DNAH14: variants seen among roughly 807,000 people sequenced by gnomAD.
DNAH14 encodes the protein dynein axonemal heavy chain 14.
A neutral mutation model predicts 520.9 loss-of-function variants in DNAH14; 478 were observed. That is an observed-to-expected ratio of 0.92 (90% CI 0.85 to 0.99). The LOEUF is 0.99. Among genes scored for constraint, DNAH14 ranks in the 50% least tolerant of loss-of-function variants. DNAH14 has a pLI of 0.00. For synonymous variants in DNAH14, 1,581 were observed against 1,757.2 expected, an observed-to-expected ratio of 0.90 and a Z score of 2.51; for missense variants, 4,831 against 5,234.5, an observed-to-expected ratio of 0.92 and a Z score of 2.38.
chr1:225,056,103 A>G (rs2148354503), intron 17 of DNAH14, among the ~76,000 whole-genome samples: 1 of 152,036 alleles, frequency 6.6e-6, no homozygotes, highest in South Asian at 2.1e-4. Flanking sequence ...TCCCTGAGGA[A>G]TCACCACACT....
At chr1:225,010,326 G>C (rs984237127) in intron 10 of DNAH14, among the ~76,000 whole-genome samples, 1 of 152,092 alleles carries the variant, frequency 6.6e-6, no homozygotes, top group Non-Finnish European at 1.5e-5. Flanking sequence ...TTTTATCAAA[G>C]GCCTTTTCTG....
chr1:225,206,928 A>G, intron 40 of DNAH14, 40 bp from the exon 41 acceptor site: 1 of 1,391,170 alleles, frequency 7.2e-7, no homozygotes, highest in East Asian at 2.7e-5. Flanking sequence ...CCATATTTTT[A>G]TTTATTTACA....
At chr1:225,014,724 A>G (rs2456349) in intron 10 of DNAH14, among the ~76,000 whole-genome samples, 112,322 of 152,084 alleles carry the variant, frequency 0.74, 44,361 homozygotes, top group Non-Finnish European at 0.88. Context: ...AATATGGTCA[A>G]TCATGGAGAA....
chr1:225,238,877 C>T (rs998309494), intron 42 of DNAH14, among the ~76,000 whole-genome samples: 1 of 152,204 alleles, frequency 6.6e-6, no homozygotes, highest in African/African-American at 2.4e-5. Context: ...GGGGGTCCCT[C>T]TTAAAGAAGC....
At chr1:224,960,076 T>G in intron 3 of DNAH14, 77 bp from the exon 4 acceptor site, 1 of 1,359,972 alleles carries the variant, frequency 7.4e-7, no homozygotes, top group Non-Finnish European at 9.8e-7. Context: ...TTAACTGTAT[T>G]GCTGGGTATG....
Position 225,232,531 on chromosome 1 carries a change from G to A in DNAH14, c.6518+1380G>A, listed in dbSNP as rs2091229473. ...TCTTGGTACAGCCTAAAAATGTCCT[G>A]CCTACCTTTCCAGATTCATCTCCTA... On this transcript the variant is annotated intron_variant, in intron 42 of 85. Coordinates refer to ENST00000682510, the MANE Select transcript of DNAH14 (RefSeq NM_001367479.1). This position sits in a 1 kb window ranked among gnomAD's most constrained non-coding sequence, Gnocchi z 4.2. 1.3e-5 allele frequency among the ~76,000 whole-genome samples: 2 copies of A among 152,036 alleles called. No individual in the cohort carries two copies. The highest frequency in any genetic ancestry group is 4.1e-4 in the South Asian group (2 of 4,822).
intron 23 of DNAH14, among the ~76,000 whole-genome samples, chr1:225,108,982 C>T (rs1313209640): frequency 6.6e-6 from 1 of 152,044 alleles, no homozygotes; most frequent in Non-Finnish European, 1.5e-5. Context: ...GCCCTTTTTC[C>T]AATGTATGTT....
intron 60 of DNAH14, among the ~76,000 whole-genome samples, chr1:225,315,838 C>A (rs1193754233): frequency 6.6e-6 from 1 of 152,182 alleles, no homozygotes; most frequent in Non-Finnish European, 1.5e-5. Context: ...CTGCCAGATG[C>A]CAGCTGGAGC....
At chr1:225,165,915 T>G (rs1274344678) in intron 35 of DNAH14, among the ~76,000 whole-genome samples, 1 of 152,056 alleles carries the variant, frequency 6.6e-6, no homozygotes, top group African/African-American at 2.4e-5. Context: ...GAAAATGCGA[T>G]TTGATGTTTT....
At chr1:225,341,717 CTTCT>C (rs1266249699) in intron 69 of DNAH14, among the ~76,000 whole-genome samples, 1 of 152,186 alleles carries the variant, frequency 6.6e-6, no homozygotes, top group African/African-American at 2.4e-5. Flanking sequence ...AAATTATTTT[CTTCT>C]TCAGCACAAA....
At chr1:224,983,544 C>G (rs58402068) in intron 8 of DNAH14, among the ~76,000 whole-genome samples, 7 of 152,238 alleles carry the variant, frequency 4.6e-5, no homozygotes, top group African/African-American at 1.4e-4. Flanking sequence ...GAAGTCTTAG[C>G]CAGAGCAGTC....
intron 38 of DNAH14, among the ~76,000 whole-genome samples, chr1:225,202,355 G>A (rs1027428098): frequency 1.2e-4 from 18 of 152,150 alleles, no homozygotes; most frequent in African/African-American, 2.7e-4. Flanking sequence ...CTCCTTGGGC[G>A]GGTCTTGCTG....
intron 68 of DNAH14, among the ~76,000 whole-genome samples, chr1:225,339,289 C>A (rs987701232): frequency 1.3e-5 from 2 of 151,990 alleles, no homozygotes; most frequent in Non-Finnish European, 2.9e-5. Context: ...CCAGCCTGGG[C>A]GACAAGAGTG....
chr1:224,950,878 A>G (rs975031693), intron 1 of DNAH14, among the ~76,000 whole-genome samples: 8 of 152,234 alleles, frequency 5.3e-5, no homozygotes, highest in African/African-American at 1.7e-4. Flanking sequence ...ATTACAAAAA[A>G]AAAATACTTA....
intron 42 of DNAH14, among the ~76,000 whole-genome samples, chr1:225,233,100 T>A (rs2091272480): frequency 6.6e-6 from 1 of 152,160 alleles, no homozygotes; most frequent in South Asian, 2.1e-4. Flanking sequence ...GGATAAGGGC[T>A]TCCAGCTCCA....
intron 40 of DNAH14, among the ~76,000 whole-genome samples, chr1:225,206,743 C>T (rs1028082012): frequency 1.3e-5 from 2 of 152,150 alleles, no homozygotes; most frequent in Non-Finnish European, 2.9e-5. Context: ...CCTTCCTACA[C>T]ATAATACCCC....
intron 75 of DNAH14, among the ~76,000 whole-genome samples, chr1:225,362,378 C>T (rs938428106): frequency 1.3e-5 from 2 of 152,116 alleles, no homozygotes; most frequent in Non-Finnish European, 1.5e-5. Flanking sequence ...CGTCTGAGAC[C>T]AGCCTGGCCA....
In DNAH14 at chr1:225,335,836, T is replaced by C. The variant is rs553691469; in HGVS notation, c.10081-1430T>C. Among the ~76,000 whole-genome samples the C allele has an allele frequency of 9.8e-5, 8 of 81,256 alleles. 2 individuals carry two copies. Among genetic ancestry groups the C allele is most frequent in the Non-Finnish European group, 1.9e-4 (8 of 41,664 alleles). 53.3% of individuals were successfully genotyped at this position (81,256 alleles called of 152,430 possible). On this transcript the variant is annotated intron_variant, in intron 66 of 85. Coordinates refer to ENST00000682510, the MANE Select transcript of DNAH14 (RefSeq NM_001367479.1). ...ATATGTACATACACATATGTACATA[T>C]ATGTACATACACATATGTACATATA...
At chr1:225,365,777 G>A (rs113867998) in intron 76 of DNAH14, among the ~76,000 whole-genome samples, 1 of 152,062 alleles carries the variant, frequency 6.6e-6, no homozygotes, top group Non-Finnish European at 1.5e-5. Context: ...AGGGGAATTG[G>A]GGGGTGGAGG....
Sources: gnomAD v4.1 joint callset for allele counts (sites outside exome capture counted in the v4.1 genomes callset) on GRCh38, gnomAD v4.1.1 for gene constraint, Gnocchi (gnomAD v3.1) non-coding constraint, MANE v1.5 for transcripts, NCBI Gene and HGNC (gene_info 2026-07-23, HGNC 2026-07-21) for gene names.